CTNNA2: variants seen among roughly 807,000 people sequenced by gnomAD.
The protein encoded by CTNNA2 is catenin alpha-2.
CTNNA2 carries 42 observed loss-of-function variants against 101.0 expected under a neutral mutation model. The observed-to-expected ratio is 0.42, with a 90% CI of 0.32 to 0.54. The LOEUF is 0.54. Ranked by LOEUF, CTNNA2 falls within the 20% of genes least tolerant of loss-of-function variation. CTNNA2 has a pLI of 0.14. For missense variants in CTNNA2, 871 were observed against 1,223.1 expected (o/e 0.71, Z 4.29); for synonymous variants, 450 against 456.4 (o/e 0.99, Z 0.18).
chr2:80,182,012 G>T (rs1705816953), intron 7 of CTNNA2, among the ~76,000 whole-genome samples: 1 of 152,156 alleles, frequency 6.6e-6, no homozygotes, highest in Admixed American at 6.5e-5. Context: ...GTTCTCTAGA[G>T]ATACAGGACT....
chr2:80,222,531 A>G (rs1050985082), intron 7 of CTNNA2, among the ~76,000 whole-genome samples: 2 of 152,204 alleles, frequency 1.3e-5, no homozygotes, highest in Admixed American at 1.3e-4. Context: ...CTGAAATGGT[A>G]CAACTAGTTA....
intron 7 of CTNNA2, among the ~76,000 whole-genome samples, chr2:80,221,336 G>A (rs567208468): frequency 2.0e-5 from 3 of 152,276 alleles, no homozygotes; most frequent in African/African-American, 7.2e-5. Flanking sequence ...CCCCAGATTG[G>A]ATTTTCTTCT....
intron 4 of CTNNA2, among the ~76,000 whole-genome samples, chr2:79,411,795 C>T (rs1356349581): frequency 6.6e-6 from 1 of 152,092 alleles, no homozygotes; most frequent in African/African-American, 2.4e-5. Flanking sequence ...AAAATCATGC[C>T]AAAATGTAAA....
At chr2:79,572,708 C>T (rs1476846241) in intron 1 of CTNNA2, among the ~76,000 whole-genome samples, 1 of 152,090 alleles carries the variant, frequency 6.6e-6, no homozygotes, top group Non-Finnish European at 1.5e-5. Flanking sequence ...ACCAAGATCA[C>T]GCTGCTGCAT....
At chr2:79,698,278 G>A (rs1324672146) in intron 2 of CTNNA2, among the ~76,000 whole-genome samples, 1 of 152,012 alleles carries the variant, frequency 6.6e-6, no homozygotes, top group African/African-American at 2.4e-5. Flanking sequence ...CTGTTTGGAT[G>A]CAGTTCATGT....
intron 3 of CTNNA2, among the ~76,000 whole-genome samples, chr2:79,808,246 G>T (rs7605056): frequency 0.14 from 21,499 of 152,048 alleles, 1,558 homozygotes; most frequent in Admixed American, 0.18. Flanking sequence ...AAATATTGGG[G>T]GTTGCATGTA....
rs983347917 is a variant in CTNNA2 at position 79,927,935 on chromosome 2, T to C, written c.1056+18138T>C. On this transcript the variant is annotated intron_variant, in intron 7 of 18. Transcript: ENST00000402739. ...CCAGTATCTGCCTCTTTGGTGGTCA[T>C]TTTTGGCTCAATATATGGAGCATAA... 3.3e-5 allele frequency among the ~76,000 whole-genome samples: 5 copies of C among 152,274 alleles called. No homozygotes were observed. The South Asian group carries it at 8.3e-4, about 25-fold the overall frequency.
At chr2:80,434,694 T>C (rs532092363) in intron 9 of CTNNA2, among the ~76,000 whole-genome samples, 5 of 152,082 alleles carry the variant, frequency 3.3e-5, no homozygotes, top group African/African-American at 1.2e-4. Flanking sequence ...CTGGAACTCC[T>C]GGGGTCAAGT....
chr2:79,372,219 C>T (rs1013118364), intron 3 of CTNNA2, among the ~76,000 whole-genome samples: 13 of 152,146 alleles, frequency 8.5e-5, no homozygotes, highest in African/African-American at 2.9e-4. Context: ...TGAGTGCCTA[C>T]ACCTGTACAA....
intron 7 of CTNNA2, among the ~76,000 whole-genome samples, chr2:80,368,766 A>G (rs1314461645): frequency 6.7e-6 from 1 of 148,232 alleles, no homozygotes; most frequent in Non-Finnish European, 1.5e-5. Flanking sequence ...TAGGTTTGCC[A>G]TTTTTAGCAA....
intron 2 of CTNNA2, among the ~76,000 whole-genome samples, chr2:79,714,076 A>G (rs1685915955): frequency 6.6e-6 from 1 of 152,092 alleles, no homozygotes; most frequent in South Asian, 2.1e-4. Flanking sequence ...GCCTTTGTGT[A>G]TGGCACAACC....
chr2:80,155,418 A>C (rs1291518218), intron 7 of CTNNA2, among the ~76,000 whole-genome samples: 1 of 152,240 alleles, frequency 6.6e-6, no homozygotes, highest in African/African-American at 2.4e-5. Flanking sequence ...GGGAAAACAA[A>C]TGGAGTAATT....
At chr2:79,573,661 C>G (rs1040688003) in intron 1 of CTNNA2, 5 of 152,138 alleles carry the variant, frequency 3.3e-5, no homozygotes, top group African/African-American at 7.2e-5. Flanking sequence ...GAAAACTAAA[C>G]AGAAAACCTT....
At chr2:79,497,809 A>T (rs1439074046) in intron 4 of CTNNA2, among the ~76,000 whole-genome samples, 2 of 152,258 alleles carry the variant, frequency 1.3e-5, no homozygotes, top group Non-Finnish European at 2.9e-5. Flanking sequence ...CTGCATTTGT[A>T]TATCATGCAA....
chr2:79,924,169 G>T (rs771241949), intron 7 of CTNNA2, among the ~76,000 whole-genome samples: 1 of 152,150 alleles, frequency 6.6e-6, no homozygotes, highest in Admixed American at 6.5e-5. Context: ...TTTGGCAATG[G>T]GGATGAACCT....
intron 7 of CTNNA2, among the ~76,000 whole-genome samples, chr2:80,049,945 G>A (rs1202683691): frequency 1.3e-5 from 2 of 152,114 alleles, no homozygotes; most frequent in Non-Finnish European, 2.9e-5. Flanking sequence ...CCTGCTGAGG[G>A]GTTTTGGCTT....
intron 4 of CTNNA2, among the ~76,000 whole-genome samples, chr2:79,869,087 G>A (rs1682377137): frequency 6.6e-6 from 1 of 152,078 alleles, no homozygotes; most frequent in Admixed American, 6.6e-5. Flanking sequence ...ATTTATAAAG[G>A]AATTTTGATG....
intron 2 of CTNNA2, among the ~76,000 whole-genome samples, chr2:79,731,793 G>A (rs1184784742): frequency 2.0e-5 from 3 of 151,510 alleles, no homozygotes; most frequent in Admixed American, 6.6e-5. Context: ...GTGCTCTCAA[G>A]TTGAGAAAGT....
At chr2:80,162,379 A>G in intron 7 of CTNNA2, 1 of 1,398,410 alleles carries the variant, frequency 7.2e-7, no homozygotes, top group Non-Finnish European at 9.6e-7. Context: ...TTTCAACAAA[A>G]TATTTCCATA....
Sources: allele counts gnomAD v4.1 joint callset (sites outside exome capture counted in the v4.1 genomes callset), GRCh38; gene constraint gnomAD v4.1.1; transcripts MANE v1.5; gene names NCBI Gene and HGNC (gene_info 2026-07-23, HGNC 2026-07-21).